Variants in SQSTM1 observed in about 807,000 individuals in gnomAD.
SQSTM1 encodes sequestosome-1.
A neutral mutation model predicts 45.1 loss-of-function variants in SQSTM1; 36 were observed. That is an observed-to-expected ratio of 0.80 (90% CI 0.61 to 1.05). The LOEUF is 1.05. Among genes scored for constraint, SQSTM1 ranks in the 50% least tolerant of loss-of-function variants. SQSTM1 has a pLI of 0.00. For synonymous variants in SQSTM1, 290 were observed against 244.3 expected (o/e 1.19, Z -1.74); for missense variants, 617 against 607.1 (o/e 1.02, Z -0.17).
chr5:179,823,972 G>A lies in SQSTM1; in HGVS notation c.416G>A (p.Arg139His), dbSNP rs758090054. Residue 139 changes from arginine to histidine, a missense_variant, in exon 3 of 8, where the codon CGC becomes CAC. Physicochemically the swap from Arg to His is conservative, Grantham distance 29. Coordinates refer to ENST00000389805, the MANE Select transcript of SQSTM1 (RefSeq NM_003900.5). Reference protein sequence around the residue: ...DGCNGPVVGTRYKCSVCPDYD... With the variant: ...DGCNGPVVGTHYKCSVCPDYD... ...TGCAATGGGCCTGTGGTAGGAACCC[G>A]CTACAAGTGCAGCGTCTGCCCAGAC... 9.9e-6 allele frequency: 16 copies of A among 1,613,892 alleles called. No individual in the cohort carries two copies. The highest frequency in any genetic ancestry group is 3.3e-5 in the South Asian group (3 of 91,096).
In SQSTM1 at chr5:179,810,533, G is replaced by C. The variant is rs564017764; in HGVS notation, c.-156-1041G>C. On this transcript the variant is annotated intron_variant, in intron 1 of 5. Coordinates refer to the SQSTM1 transcript ENST00000514093. ...TCTATCATTGATGGACATTTGGGTTGGTTCCAAGTCTTTGCTATTGTGAAT... is the reference window on the plus strand; with the variant it reads ...TCTATCATTGATGGACATTTGGGTTCGTTCCAAGTCTTTGCTATTGTGAAT... Among the ~76,000 whole-genome samples the C allele has an allele frequency of 2.8e-3, 427 of 152,262 alleles. 3 individuals are homozygous for C. The highest frequency in any genetic ancestry group is 8.4e-4 in the Non-Finnish European group (57 of 68,022).
chr5:179,834,726 G>A (rs1346389069), intron 7 of SQSTM1, among the ~76,000 whole-genome samples: 1 of 152,194 alleles, frequency 6.6e-6, no homozygotes, highest in Non-Finnish European at 1.5e-5. Context: ...GCACGGGGTT[G>A]GGGGTAAGGT....
At chr5:179,823,725 C>T in intron 2 of SQSTM1, 133 bp from the exon 3 acceptor site, 5 of 993,334 alleles carry the variant, frequency 5.0e-6, no homozygotes, top group South Asian at 1.5e-5. Flanking sequence ...ACCTAAGTGG[C>T]TGAATTTTGT....
In SQSTM1 at chr5:179,834,814, G is replaced by C. The variant is rs377628895; in HGVS notation, c.1165+1032G>C. Among the ~76,000 whole-genome samples the C allele has an allele frequency of 2.2e-3, 330 of 152,336 alleles. 10 individuals are homozygous for C. In the East Asian group the frequency reaches 0.057, roughly 26 times the overall value. On this transcript the variant is annotated intron_variant, in intron 7 of 7. Coordinates refer to ENST00000389805, the MANE Select transcript of SQSTM1 (RefSeq NM_003900.5). ...TCCCATGTCTACTTCTTTCCACACAGACACGGCAACCATCCGATTTCTCAA... is the reference window on the plus strand; with the variant it reads ...TCCCATGTCTACTTCTTTCCACACACACACGGCAACCATCCGATTTCTCAA...
At chr5:179,816,166 T>C (rs565849521), upstream of SQSTM1, among the ~76,000 whole-genome samples, 2 of 152,100 alleles carry the variant, frequency 1.3e-5, no homozygotes, top group East Asian at 3.9e-4. Flanking sequence ...GTTTTCTTTG[T>C]TTTGTTTTGT....
chr5:179,818,072 G>A (rs929952866), upstream of SQSTM1, among the ~76,000 whole-genome samples: 16 of 149,626 alleles, frequency 1.1e-4, no homozygotes, highest in African/African-American at 3.9e-4. Flanking sequence ...TTTTTCCTAG[G>A]GAGTGGTCAA....
intron 5 of SQSTM1, among the ~76,000 whole-genome samples, chr5:179,830,044 G>A (rs1468307396): frequency 6.6e-5 from 10 of 152,208 alleles, no homozygotes; most frequent in Non-Finnish European, 1.5e-4. Flanking sequence ...GGAAGGCAGA[G>A]GGTGCAACGA....
intron 5 of SQSTM1, 34 bp from the exon 6 acceptor site, chr5:179,832,998 C>G (rs747985542): frequency 6.2e-6 from 10 of 1,612,012 alleles, no homozygotes; most frequent in Middle Eastern, 1.7e-4. Flanking sequence ...CTTGGGGGAA[C>G]TTCACGGCTT....
rs1476781519 is a variant in SQSTM1 at position 179,822,988 on chromosome 5, G to A, written c.236G>A (p.Ser79Asn). The A allele has an allele frequency of 6.2e-7, 1 of 1,614,136 alleles. No individual in the cohort carries two copies. The highest frequency in any genetic ancestry group is 8.5e-7 in the Non-Finnish European group (1 of 1,180,004). Residue 79 changes from serine (S) to asparagine (N), a missense_variant, in exon 2 of 8, where the codon AGT (serine) becomes AAT (asparagine). Ser to Asn is a conservative substitution (Grantham distance 46). Coordinates refer to ENST00000389805, the MANE Select transcript of SQSTM1 (RefSeq NM_003900.5). Reference protein sequence around the residue: ...DEDGDLVAFSSDEELTMAMSY... With the variant: ...DEDGDLVAFSNDEELTMAMSY... Reference sequence around the variant, plus strand: ...GACGGGGACTTGGTTGCCTTTTCCAGTGACGAGGAATTGACAATGGCCATG... The same window carrying A: ...GACGGGGACTTGGTTGCCTTTTCCAATGACGAGGAATTGACAATGGCCATG...
At chr5:179,834,625 A>C (rs1021926443) in intron 7 of SQSTM1, among the ~76,000 whole-genome samples, 1 of 151,902 alleles carries the variant, frequency 6.6e-6, no homozygotes, top group East Asian at 1.9e-4. Flanking sequence ...CTTAAGGAGC[A>C]TGCTGCCTTC....
In SQSTM1 at chr5:179,837,726, C is replaced by G; in HGVS notation, c.*1133C>G. 2 of 1,614,250 alleles carry G rather than the reference C, an allele frequency of 1.2e-6. No homozygotes were observed. The highest frequency in any genetic ancestry group is 8.5e-7 in the Non-Finnish European group (1 of 1,180,044). On this transcript the variant is annotated 3_prime_UTR_variant, in exon 8 of 8. Transcript: ENST00000389805. ...TGTGAACTTTTTCTAGGTGGCAGGACAAATTGCGCCCATTTAGAGGATGTG... is the reference window on the plus strand; with the variant it reads ...TGTGAACTTTTTCTAGGTGGCAGGAGAAATTGCGCCCATTTAGAGGATGTG...
chr5:179,824,240 G>A lies in SQSTM1; in HGVS notation c.590G>A (p.Gly197Glu). The A allele has an allele frequency of 6.2e-7, 1 of 1,613,870 alleles. No individual in the cohort carries two copies. The highest frequency in any genetic ancestry group is 1.1e-5 in the South Asian group (1 of 91,088). Residue 197 changes from glycine to glutamate, a missense_variant, in exon 4 of 8, where the codon GGA (glycine) becomes GAA (glutamate). By Grantham distance (98) the Gly-to-Glu change is moderately conservative (BLOSUM62 -2). Transcript: ENST00000389805. ...AAACACGGACACTTCGGGTGGCCAG[G>A]ATGGGAAATGGGTCCACCAGGAAAC... is the stretch of plus-strand genomic sequence containing the variant. ...KVKHGHFGWP[G>E]WEMGPPGNWS...
intron 7 of SQSTM1, 177 bp from the exon 8 acceptor site, chr5:179,836,259 A>G (rs1169337578): frequency 3.8e-6 from 3 of 791,988 alleles, no homozygotes; most frequent in Non-Finnish European, 2.1e-6. Context: ...TGTGAAAAAG[A>G]CTGCTTGGCC....
At chr5:179,831,053 A>G (rs1758190411) in intron 5 of SQSTM1, among the ~76,000 whole-genome samples, 2 of 152,226 alleles carry the variant, frequency 1.3e-5, no homozygotes, top group Non-Finnish European at 2.9e-5. Flanking sequence ...GGGCAGAACA[A>G]AGTTACTTTC....
intron 6 of SQSTM1, 133 bp from the exon 7 acceptor site, chr5:179,833,454 C>T (rs1758341138): frequency 9.5e-7 from 1 of 1,051,486 alleles, no homozygotes; most frequent in Non-Finnish European, 1.4e-6. Flanking sequence ...GGCCACTGTT[C>T]CCCCTAGACC....
At chr5:179,808,848 AT>A (rs1262586767) in intron 1 of SQSTM1, among the ~76,000 whole-genome samples, 1 of 142,672 alleles carries the variant, frequency 7.0e-6, no homozygotes, top group Non-Finnish European at 1.5e-5. Context: ...TTATTTATTT[AT>A]TTTTAGTTTA....
chr5:179,824,466 C>G, intron 4 of SQSTM1, 143 bp downstream of exon 4: 1 of 1,264,904 alleles, frequency 7.9e-7, no homozygotes, highest in Non-Finnish European at 1.1e-6. Context: ...ACACAAGAAC[C>G]CTGCAAAGTG....
At position 179,833,647 on chromosome 5, in the gene SQSTM1, A is replaced by G. The variant is rs1554091448; in HGVS notation, c.1030A>G (p.Lys344Glu). The change falls in exon 7 of 8, where the codon AAA (lysine) becomes GAA (glutamate). Residue 344 changes from lysine to glutamate, a missense_variant. Transcript: ENST00000389805. ...GDDDWTHLSS[K>E]EVDPSTGELQ... is the part of the protein sequence containing the mutation. ...TGATGACTGGACCCATCTGTCTTCAAAAGAAGTGGACCCGTCTACAGGTGA... is the reference window on the plus strand; with the variant it reads ...TGATGACTGGACCCATCTGTCTTCAGAAGAAGTGGACCCGTCTACAGGTGA... The G allele has an allele frequency of 6.2e-7, 1 of 1,614,150 alleles. No homozygotes were observed. The highest frequency in any genetic ancestry group is 2.2e-5 in the East Asian group (1 of 44,868).
rs1356087686 is a variant in SQSTM1, at chr5:179,838,019, G to A, written c.*1426G>A. On this transcript the variant is annotated 3_prime_UTR_variant, in exon 8 of 8. Coordinates refer to ENST00000389805, the MANE Select transcript of SQSTM1 (RefSeq NM_003900.5). ...TGCTGGAAGCTGTCAGGCTGGGACA[G>A]GCTTTGATTTTGAGGGTTAGCAAGA... 6 of 823,206 alleles carry A rather than the reference G, an allele frequency of 7.3e-6. No homozygotes were observed. Among genetic ancestry groups the A allele is most frequent in the Admixed American group, 2.9e-5 (1 of 34,792 alleles). The allele number at this position is 823,206 out of a possible 1,614,324, so 51.0% of individuals were successfully genotyped here.
Sources: gnomAD v4.1 joint callset for allele counts (sites outside exome capture counted in the v4.1 genomes callset) on GRCh38, gnomAD v4.1.1 for gene constraint, MANE v1.5 for transcripts, NCBI Gene and HGNC (gene_info 2026-07-23, HGNC 2026-07-21) for gene names.